HERC2: variants seen among roughly 807,000 people sequenced by gnomAD.
HERC2 encodes E3 ubiquitin-protein ligase HERC2.
Under a neutral mutation model 537.7 loss-of-function variants are expected in HERC2, and 102 were observed. The observed-to-expected ratio is 0.19, with a 90% CI of 0.16 to 0.22. HERC2 has a LOEUF of 0.22. Ranked by LOEUF, HERC2 falls within the 10% of genes least tolerant of loss-of-function variation. The pLI is 1.00. For missense variants in HERC2, 4,236 were observed against 6,198.2 expected (o/e 0.68, Z 10.63); for synonymous variants, 2,224 against 2,466.2 (o/e 0.90, Z 2.91).
intron 3 of HERC2, among the ~76,000 whole-genome samples, chr15:28,293,826 G>A (rs2076388619): frequency 6.6e-6 from 1 of 152,194 alleles, no homozygotes; most frequent in South Asian, 2.1e-4. Context: ...AGGAAAAGCT[G>A]AGAAAAATCA....
At chr15:28,130,771 G>A (rs1890027745) in intron 81 of HERC2, among the ~76,000 whole-genome samples, 177 bp from the exon 82 acceptor site, 1 of 152,208 alleles carries the variant, frequency 6.6e-6, no homozygotes, top group African/African-American at 2.4e-5. Context: ...GGAGGCAGGC[G>A]GGACCGTGAC....
In HERC2 at chr15:28,217,096, GCA is replaced by G. The variant is rs531117168; in HGVS notation, c.6029-1296_6029-1295del. On this transcript the variant is annotated intron_variant, in intron 38 of 92. Transcript: ENST00000261609. ...TTTACACAAATGCTCGCACTCAATC[GCA>G]CACTTACACACTTGTGCTGCCACCC... 3.7e-4 allele frequency among the ~76,000 whole-genome samples: 56 copies of G among 152,020 alleles called. No individual in the cohort carries two copies. In the South Asian group the frequency reaches 9.6e-3, roughly 26 times the overall value.
chr15:28,300,823 CAAAAAAAAAAAAAA>C (rs57696757), intron 2 of HERC2, among the ~76,000 whole-genome samples: 1 of 13,158 alleles, frequency 7.6e-5, no homozygotes, highest in African/African-American at 2.0e-4. Flanking sequence ...GACTCCATCT[CAAAAAAAAAAAAAA>C]AAAAAAAAAA....
In HERC2 at chr15:28,228,521, C is replaced by A. The variant is rs145200204; in HGVS notation, c.5273-112G>T. ...ATCTGACTATTTTGAAACCCACTGA[C>A]ATTTCTTCTGCATGGATGCAAGAAT... On this transcript the variant is annotated intron_variant, in intron 34 of 92. Transcript: ENST00000261609. The A allele has an allele frequency of 2.4e-5, 23 of 964,202 alleles. No individual in the cohort carries two copies. The African/African-American group carries it at 2.9e-4, about 12-fold the overall frequency. The allele number at this position is 964,202 out of a possible 1,614,324, so 59.7% of individuals were successfully genotyped here.
At position 28,113,793 on chromosome 15, in the gene HERC2, G is replaced by C. The variant is rs1217133305; in HGVS notation, c.13914-115C>G. On this transcript the variant is annotated intron_variant, in intron 90 of 92. Transcript: ENST00000261609. The surrounding 1 kb of genome is among the most constrained non-coding windows in gnomAD (Gnocchi z 7.0). ...CGCACACGTCCCAGCTGGGAGAACA[G>C]AGGGAGCAGCTCCAGATGGCATGAG... is the stretch of plus-strand genomic sequence containing the variant. The C allele has an allele frequency of 3.8e-6, 3 of 798,390 alleles. No homozygotes were observed. Among genetic ancestry groups the C allele is most frequent in the Non-Finnish European group, 6.3e-6 (3 of 474,544 alleles). The allele number at this position is 798,390 out of a possible 1,614,324, so 49.5% of individuals were successfully genotyped here.
At chr15:28,112,207 C>T (rs1259812454) in intron 92 of HERC2, among the ~76,000 whole-genome samples, 172 bp from the exon 93 acceptor site, 1 of 152,162 alleles carries the variant, frequency 6.6e-6, no homozygotes, top group East Asian at 1.9e-4. Flanking sequence ...ATTCCTAGAA[C>T]TTGGAGTAAG....
chr15:28,251,893 T>C (rs1166255516), intron 20 of HERC2, among the ~76,000 whole-genome samples: 3 of 152,254 alleles, frequency 2.0e-5, no homozygotes, highest in Non-Finnish European at 4.4e-5. Flanking sequence ...AGAAAAATTA[T>C]TGAGATATTT....
At chr15:28,307,159 G>T (rs571986891) in intron 2 of HERC2, among the ~76,000 whole-genome samples, 3 of 152,252 alleles carry the variant, frequency 2.0e-5, no homozygotes, top group African/African-American at 7.2e-5. Flanking sequence ...TTTCTTCCAC[G>T]TTTCCCAATT....
At chr15:28,262,217 G>C (rs1461396248) in intron 15 of HERC2, among the ~76,000 whole-genome samples, 1 of 152,134 alleles carries the variant, frequency 6.6e-6, no homozygotes, top group African/African-American at 2.4e-5. Flanking sequence ...GTACGGAAAA[G>C]TCCTGTTTTA....
intron 4 of HERC2, among the ~76,000 whole-genome samples, chr15:28,282,887 G>A (rs949963697): frequency 2.0e-5 from 3 of 151,156 alleles, no homozygotes; most frequent in Admixed American, 1.3e-4. Context: ...AGCCGAGAAC[G>A]TCCACTGCAC....
intron 69 of HERC2, among the ~76,000 whole-genome samples, chr15:28,156,404 ATTTG>A (rs1332159940): frequency 6.6e-6 from 1 of 152,200 alleles, no homozygotes; most frequent in African/African-American, 2.4e-5. Flanking sequence ...ATGTTATTCC[ATTTG>A]TTTGTATCCT....
intron 68 of HERC2, among the ~76,000 whole-genome samples, chr15:28,165,554 G>A (rs763345438): frequency 5.9e-5 from 9 of 151,992 alleles, no homozygotes; most frequent in Non-Finnish European, 8.8e-5. Context: ...CACTTTGAGA[G>A]GATGAGGCAG....
intron 2 of HERC2, among the ~76,000 whole-genome samples, chr15:28,315,361 G>A (rs1039779701): frequency 4.6e-5 from 7 of 152,250 alleles, no homozygotes; most frequent in Non-Finnish European, 8.8e-5. Context: ...ACATCACAGC[G>A]GAGACTGGAG....
intron 52 of HERC2, 134 bp from the exon 53 acceptor site, chr15:28,192,285 C>A (rs1444475613): frequency 5.7e-6 from 4 of 696,970 alleles, no homozygotes; most frequent in Admixed American, 3.1e-5. Context: ...TTAATAAATG[C>A]CACAAATGGT....
chr15:28,249,382 C>T (rs1904045855), intron 20 of HERC2, among the ~76,000 whole-genome samples: 1 of 152,134 alleles, frequency 6.6e-6, no homozygotes, highest in Non-Finnish European at 1.5e-5. Flanking sequence ...GCTCCAGTTC[C>T]AACACTGTGA....
intron 69 of HERC2, among the ~76,000 whole-genome samples, chr15:28,157,666 T>C (rs1364392781): frequency 6.6e-6 from 1 of 152,324 alleles, no homozygotes; most frequent in South Asian, 2.1e-4. Flanking sequence ...GATCTATCAA[T>C]TTTGTTGATC....
At position 28,292,924 on chromosome 15, in the gene HERC2, A is replaced by C. The variant is rs770229896; in HGVS notation, c.286T>G (p.Ser96Ala). 2.5e-6 allele frequency: 4 copies of C among 1,611,134 alleles called. No individual in the cohort carries two copies. The highest frequency in any genetic ancestry group is 1.7e-5 in the Admixed American group (1 of 59,782). ...ETPAPIYRAK[S>A]ILDSWVWGKQ... ...CCCCATACCCAGCTGTCCAGAATTG[A>C]CTTGGCCCTATATATAGGTGCAGGA... Residue 96 changes from serine to alanine, a missense_variant, in exon 4 of 93, where the codon TCA (serine) becomes GCA (alanine). Coordinates refer to ENST00000261609, the MANE Select transcript of HERC2 (RefSeq NM_004667.6).
chr15:28,144,778 C>A lies in HERC2; in HGVS notation c.11035G>T (p.Glu3679Ter). Residue 3679 changes from glutamate (E) to a stop codon, truncating the protein, a stop_gained, in exon 72 of 93, where the codon GAG becomes TAG. Coordinates refer to ENST00000261609, the MANE Select transcript of HERC2 (RefSeq NM_004667.6). LOFTEE classifies it high-confidence loss of function. ...SGREWSDWSS[E>*]LRIPGDELKW... ...AACTCATCCCCTGGGATGCGCAGCT[C>A]GCTGGACCAGTCGGACCACTCTCGG... 1 of 1,614,206 alleles carries A rather than the reference C, an allele frequency of 6.2e-7. No individual in the cohort carries two copies. Among genetic ancestry groups the A allele is most frequent in the Non-Finnish European group, 8.5e-7 (1 of 1,180,038 alleles).
chr15:28,272,248 C>T lies in HERC2; in HGVS notation c.1050G>A (p.Arg350=), dbSNP rs151179905. The T allele has an allele frequency of 7.5e-4, 1,213 of 1,610,474 alleles. 20 individuals carry two copies. The Admixed American group carries it at 0.019, about 25-fold the overall frequency. ...CGCCCTCGGAGTGGGGTGCATCCTT[C>T]CTGCAAATGATGCTCTGGAACCTTT... The part of the protein sequence containing the change: ...LLQRFQSIIC[R]KDAPHSEGDM... Residue 350 remains arginine (R), a synonymous_variant, in exon 9 of 93, where the codon AGG becomes AGA. Transcript: ENST00000261609.
Sources: gnomAD v4.1 joint callset for allele counts (sites outside exome capture counted in the v4.1 genomes callset) on GRCh38, gnomAD v4.1.1 for gene constraint, Gnocchi (gnomAD v3.1) non-coding constraint, MANE v1.5 for transcripts, NCBI Gene and HGNC (gene_info 2026-07-23, HGNC 2026-07-21) for gene names.